RNF130: variants seen among roughly 807,000 people sequenced by gnomAD.
The protein encoded by RNF130 is E3 ubiquitin-protein ligase RNF130.
Under a neutral mutation model 44.6 loss-of-function variants are expected in RNF130, and 21 were observed. The ratio of observed to expected loss-of-function variants is 0.47; its 90% confidence interval spans 0.33 to 0.68. The LOEUF (loss-of-function observed/expected upper bound fraction) is 0.68. Ranked by LOEUF, RNF130 falls within the 30% of genes least tolerant of loss-of-function variation. RNF130 has a pLI of 0.02. For synonymous variants in RNF130, 214 were observed against 210.4 expected (o/e 1.02, Z -0.15); for missense variants, 479 against 560.6 (o/e 0.85, Z 1.47).
intron 2 of RNF130, among the ~76,000 whole-genome samples, chr5:180,016,433 G>T (rs967498903): frequency 6.6e-6 from 1 of 152,204 alleles, no homozygotes; most frequent in African/African-American, 2.4e-5. Context: ...CTGTAACGCT[G>T]TAAATATCAA....
chr5:180,031,809 T>C (rs1239199798), intron 2 of RNF130, among the ~76,000 whole-genome samples: 1 of 152,246 alleles, frequency 6.6e-6, no homozygotes, highest in Non-Finnish European at 1.5e-5. Flanking sequence ...TTATGTTCAA[T>C]GTTTAAATAA....
At chr5:179,994,037 G>T (rs1262885446) in intron 3 of RNF130, among the ~76,000 whole-genome samples, 1 of 152,162 alleles carries the variant, frequency 6.6e-6, no homozygotes, top group African/African-American at 2.4e-5. Flanking sequence ...GATAGTTGTA[G>T]ATGTGTGGTA....
intron 5 of RNF130, among the ~76,000 whole-genome samples, chr5:179,973,112 C>T (rs1762622819): frequency 6.6e-6 from 1 of 152,172 alleles, no homozygotes; most frequent in Admixed American, 6.5e-5. Flanking sequence ...TCTCTTACTC[C>T]TGACCCTACC....
chr5:179,930,263 G>A (rs1242434041), intron 7 of RNF130, among the ~76,000 whole-genome samples: 2 of 151,976 alleles, frequency 1.3e-5, no homozygotes, highest in African/African-American at 4.8e-5. Flanking sequence ...TCACCACGTT[G>A]GTCAGGCTGA....
chr5:180,042,260 A>G (rs1203418923), intron 1 of RNF130, among the ~76,000 whole-genome samples: 1 of 152,206 alleles, frequency 6.6e-6, no homozygotes, highest in Non-Finnish European at 1.5e-5. Flanking sequence ...ATTTTCTTTC[A>G]ACTATTGTGG....
In RNF130 at chr5:179,955,576, T is replaced by A; in HGVS notation, c.*78A>T. On this transcript the variant is annotated 3_prime_UTR_variant, in exon 9 of 9. Coordinates refer to ENST00000521389, the MANE Select transcript of RNF130 (RefSeq NM_018434.6). ...ACTAAAAATAAATGCTTGTGTGGCA[T>A]GATTGGTAAATGATGCACAAAAATA... 2 of 1,211,534 alleles carry A rather than the reference T, an allele frequency of 1.7e-6. No homozygotes were observed. The highest frequency in any genetic ancestry group is 2.9e-5 in the South Asian group (2 of 69,248). The allele number at this position is 1,211,534 out of a possible 1,614,324, so 75.0% of individuals were successfully genotyped here. A position where few individuals can be genotyped will look rare whatever the true frequency, so the allele number is the denominator to read the frequency against.
intron 6 of RNF130, among the ~76,000 whole-genome samples, chr5:179,970,104 A>G (rs1362031630): frequency 6.6e-6 from 1 of 152,104 alleles, no homozygotes; most frequent in African/African-American, 2.4e-5. Context: ...ACAGTAAGCT[A>G]TGATTGCACC....
At chr5:180,032,167 C>T (rs887825457) in intron 2 of RNF130, among the ~76,000 whole-genome samples, 1 of 152,004 alleles carries the variant, frequency 6.6e-6, no homozygotes, top group African/African-American at 2.4e-5. Flanking sequence ...CATTGTTTTT[C>T]AATGGTTTCT....
At chr5:180,047,537 G>A (rs190931334) in intron 1 of RNF130, among the ~76,000 whole-genome samples, 25 of 152,256 alleles carry the variant, frequency 1.6e-4, no homozygotes, top group Admixed American at 6.5e-4. Flanking sequence ...CTGAGGTCGG[G>A]AGTTCAAGAC....
chr5:179,914,133 G>A lies in RNF130; in HGVS notation c.*6184C>T, dbSNP rs1029436667. On this transcript the variant is annotated 3_prime_UTR_variant, in exon 8 of 8. Coordinates refer to the RNF130 transcript ENST00000522208. ...TAATGGGCTGAAAGGAGGGTGTGTC[G>A]AAGCTTTGGAATGCTTTACCAACAA... is the stretch of plus-strand genomic sequence containing the variant. 7 of 152,344 alleles carry A rather than the reference G, an allele frequency of 4.6e-5. No individual in the cohort carries two copies. In the South Asian group the frequency reaches 1.2e-3, roughly 27 times the overall value. The allele number at this position is 152,344 out of a possible 1,614,324, so 9.4% of individuals were successfully genotyped here.
intron 3 of RNF130, among the ~76,000 whole-genome samples, chr5:180,003,260 C>T (rs1282844844): frequency 6.6e-6 from 1 of 152,040 alleles, no homozygotes; most frequent in Non-Finnish European, 1.5e-5. Flanking sequence ...ACTTCTGGCT[C>T]GGTGATGAGC....
intron 3 of RNF130, among the ~76,000 whole-genome samples, chr5:179,984,263 T>C (rs561670499): frequency 2.0e-5 from 3 of 152,302 alleles, no homozygotes; most frequent in Admixed American, 1.3e-4. Context: ...ATGGATGTCT[T>C]TTACGTCTTT....
chr5:179,921,155 A>C (rs1051066966), intron 7 of RNF130, among the ~76,000 whole-genome samples: 1 of 152,156 alleles, frequency 6.6e-6, no homozygotes, highest in African/African-American at 2.4e-5. Flanking sequence ...CACATGTTTA[A>C]AGTACATCAT....
At chr5:179,970,540 C>T (rs1321739941) in intron 5 of RNF130, 34 bp from the exon 6 acceptor site, 1 of 1,526,790 alleles carries the variant, frequency 6.5e-7, no homozygotes, top group Non-Finnish European at 9.0e-7. Context: ...TCACAAGTTA[C>T]ATACCAAGAA....
At chr5:180,004,846 G>T (rs910243469) in intron 3 of RNF130, among the ~76,000 whole-genome samples, 1 of 152,112 alleles carries the variant, frequency 6.6e-6, no homozygotes, top group Non-Finnish European at 1.5e-5. Context: ...GTAAACACTG[G>T]TGAAATCTAG....
chr5:180,019,447 G>T (rs1441215959), intron 2 of RNF130, among the ~76,000 whole-genome samples: 1 of 151,972 alleles, frequency 6.6e-6, no homozygotes, highest in Non-Finnish European at 1.5e-5. Flanking sequence ...ACAGCTAGGT[G>T]TATTCAGGGT....
Position 179,987,054 on chromosome 5 carries a change from C to A in RNF130, c.694-6854G>T, listed in dbSNP as rs150949727. 6.6e-5 allele frequency among the ~76,000 whole-genome samples: 10 copies of A among 152,232 alleles called. No homozygotes were observed. The East Asian group carries it at 1.9e-3, about 29-fold the overall frequency. ...CAGGTTTATGAGTTTTTGGTGAACT[C>A]TTTGTTTTTTTTCTACATATGGTCA... On this transcript the variant is annotated intron_variant, in intron 3 of 8. Coordinates refer to ENST00000521389, the MANE Select transcript of RNF130 (RefSeq NM_018434.6).
intron 3 of RNF130, among the ~76,000 whole-genome samples, chr5:179,997,479 A>G (rs967253978): frequency 6.6e-6 from 1 of 151,948 alleles, no homozygotes; most frequent in African/African-American, 2.4e-5. Flanking sequence ...TCCCACCACC[A>G]CACCCGGCTA....
intron 7 of RNF130, among the ~76,000 whole-genome samples, chr5:179,938,516 A>C (rs2113681206): frequency 6.6e-6 from 1 of 152,244 alleles, no homozygotes; most frequent in East Asian, 1.9e-4. Context: ...TGAATATACT[A>C]AATGTCACTA....
Sources: allele counts gnomAD v4.1 joint callset (sites outside exome capture counted in the v4.1 genomes callset), GRCh38; gene constraint gnomAD v4.1.1; transcripts MANE v1.5; gene names NCBI Gene and HGNC (gene_info 2026-07-23, HGNC 2026-07-21).